Variants in ADAMTS2 observed in about 807,000 individuals in gnomAD.
ADAMTS2 encodes A disintegrin and metalloproteinase with thrombospondin motifs 2.
A neutral mutation model predicts 123.0 loss-of-function variants in ADAMTS2; 50 were observed. That is an observed-to-expected ratio of 0.41 (90% CI 0.32 to 0.51). ADAMTS2 has a LOEUF of 0.51. Among genes scored for constraint, ADAMTS2 ranks in the 20% least tolerant of loss-of-function variants. The pLI, the probability that ADAMTS2 is intolerant of heterozygous loss-of-function variation, is 0.35. For missense variants in ADAMTS2, 1,494 were observed against 1,705.2 expected, an observed-to-expected ratio of 0.88 and a Z score of 2.18; for synonymous variants, 678 against 695.4, an observed-to-expected ratio of 0.98 and a Z score of 0.39.
chr5:179,309,161 G>C (rs1756755402), intron 2 of ADAMTS2, among the ~76,000 whole-genome samples: 1 of 152,240 alleles, frequency 6.6e-6, no homozygotes, highest in Non-Finnish European at 1.5e-5. Context: ...GTGTTCCCCG[G>C]GTAGAGGCCA....
intron 2 of ADAMTS2, among the ~76,000 whole-genome samples, chr5:179,311,965 G>C (rs185509848): frequency 6.6e-5 from 10 of 152,350 alleles, no homozygotes; most frequent in Non-Finnish European, 7.3e-5. Context: ...AGGGAAGGTA[G>C]AAATGACAGC....
chr5:179,276,125 G>A (rs1766688627), intron 2 of ADAMTS2, among the ~76,000 whole-genome samples: 1 of 152,174 alleles, frequency 6.6e-6, no homozygotes, highest in African/African-American at 2.4e-5. Flanking sequence ...AACCAGGCCT[G>A]GCGAAGACTC....
At chr5:179,150,024 C>A (rs1225520093) in intron 10 of ADAMTS2, among the ~76,000 whole-genome samples, 3 of 152,178 alleles carry the variant, frequency 2.0e-5, no homozygotes, top group African/African-American at 7.2e-5. Flanking sequence ...CTGTCCTTAC[C>A]AGACCTCCCT....
Position 179,181,063 on chromosome 5 carries a change from T to A in ADAMTS2, c.975+9A>T. Reference sequence around the variant, plus strand: ...TGGAGGCAGGCCCGGCTGGCCACAGTGCACTCACCTTTCCATAGCTCAGGA... The same window carrying A: ...TGGAGGCAGGCCCGGCTGGCCACAGAGCACTCACCTTTCCATAGCTCAGGA... On this transcript the variant is annotated intron_variant, in intron 5 of 21. Coordinates refer to ENST00000251582, the MANE Select transcript of ADAMTS2 (RefSeq NM_014244.5). The surrounding 1 kb of genome is among the most constrained non-coding windows in gnomAD (Gnocchi z 4.1). The A allele has an allele frequency of 6.2e-7, 1 of 1,612,536 alleles. No homozygotes were observed.
chr5:179,319,479 TCA>T (rs1757097945), intron 2 of ADAMTS2, among the ~76,000 whole-genome samples: 1 of 151,982 alleles, frequency 6.6e-6, no homozygotes, highest in African/African-American at 2.4e-5. Flanking sequence ...ACTCATGCAC[TCA>T]CACATGCCTC....
At position 179,162,384 on chromosome 5, in the gene ADAMTS2, C is replaced by G. The variant is rs1198744551; in HGVS notation, c.976-3505G>C. 2.6e-5 allele frequency among the ~76,000 whole-genome samples: 4 copies of G among 152,098 alleles called. No individual in the cohort carries two copies. Among genetic ancestry groups the G allele is most frequent in the Non-Finnish European group, 5.9e-5 (4 of 67,996 alleles). ...GGTGGGGGGCCTGCAGCGGCTGGAG[C>G]CCCCCTGCACTACAGGAGACCCCCC... On this transcript the variant is annotated intron_variant, in intron 5 of 21. Coordinates refer to ENST00000251582, the MANE Select transcript of ADAMTS2 (RefSeq NM_014244.5). The surrounding 1 kb of genome is among the most constrained non-coding windows in gnomAD (Gnocchi z 5.1).
intron 5 of ADAMTS2, among the ~76,000 whole-genome samples, chr5:179,163,243 G>A (rs894065063): frequency 6.6e-6 from 1 of 152,182 alleles, no homozygotes; most frequent in African/African-American, 2.4e-5. Context: ...CTGGTTGCAC[G>A]AAAAGTAAGT....
chr5:179,279,001 G>A (rs1036239491), intron 2 of ADAMTS2, among the ~76,000 whole-genome samples: 2 of 151,792 alleles, frequency 1.3e-5, no homozygotes, highest in African/African-American at 4.8e-5. Flanking sequence ...AGACAGCCTG[G>A]AAGTTAGGGG....
At chr5:179,198,153 G>A (rs560055377) in intron 4 of ADAMTS2, among the ~76,000 whole-genome samples, 2 of 152,146 alleles carry the variant, frequency 1.3e-5, no homozygotes, top group African/African-American at 2.4e-5. Flanking sequence ...GGCGGGGGGC[G>A]GGCCTGGGCA....
At chr5:179,184,500 G>A (rs1474543197) in intron 4 of ADAMTS2, among the ~76,000 whole-genome samples, 2 of 125,492 alleles carry the variant, frequency 1.6e-5, no homozygotes, top group African/African-American at 3.3e-5. Flanking sequence ...GACAGAGCAA[G>A]ACTCTGTCTA....
rs528922887 is a variant in ADAMTS2 at position 179,186,839 on chromosome 5, C to T, written c.892-5684G>A. 6.1e-4 allele frequency among the ~76,000 whole-genome samples: 83 copies of T among 136,224 alleles called. 1 individual carries two copies. Among genetic ancestry groups the T allele is most frequent in the Non-Finnish European group, 1.1e-3 (68 of 62,698 alleles). 89.4% of individuals were successfully genotyped at this position (136,224 alleles called of 152,430 possible). The stretch of plus-strand genomic sequence containing the variant: ...CCAACGGTCCCCCTCGTGTCCTCCC[C>T]ACCCCCCCACCCACACACACCATTC... On this transcript the variant is annotated intron_variant, in intron 4 of 21. Coordinates refer to ENST00000251582, the MANE Select transcript of ADAMTS2 (RefSeq NM_014244.5).
chr5:179,207,706 A>G lies in ADAMTS2; in HGVS notation c.698T>C (p.Leu233Pro). The change falls in exon 4 of 22, where the codon CTG becomes CCG. Residue 233 changes from leucine to proline, a missense_variant. Physicochemically the swap from Leu to Pro is moderately conservative, Grantham distance 98. Around this residue, in one of 6 missense-constraint regions of ADAMTS2, gnomAD observed 184 missense variants for 152.1 expected, o/e 1.21. Transcript: ENST00000251582. ...GPQALDTGASLDSLDSLSRAL... is the reference protein window; with the variant it reads ...GPQALDTGASPDSLDSLSRAL... ...GCGGCTGAGGCTGTCCAGGCTGTCC[A>G]GGGAGGCCCCTGCAAGGAGAGGACA... 1 of 1,611,404 alleles carries G rather than the reference A, an allele frequency of 6.2e-7. No homozygotes were observed.
intron 2 of ADAMTS2, among the ~76,000 whole-genome samples, chr5:179,295,494 T>C (rs138120182): frequency 6.6e-6 from 1 of 152,346 alleles, no homozygotes; most frequent in East Asian, 1.9e-4. Context: ...TGATCCCTTA[T>C]GTGTCCCAGG....
In ADAMTS2 at chr5:179,219,763, T is replaced by C. The variant is rs530093328; in HGVS notation, c.689-12048A>G. On this transcript the variant is annotated intron_variant, in intron 3 of 21. Transcript: ENST00000251582. ...CTCACAGAGGTTCCCAAACACAACT[T>C]CCCCCTCTTCACCCCAGGGCTGGGG... is the stretch of plus-strand genomic sequence containing the variant. 9.2e-5 allele frequency among the ~76,000 whole-genome samples: 14 copies of C among 152,106 alleles called. No individual in the cohort carries two copies. The East Asian group carries it at 2.5e-3, about 27-fold the overall frequency.
rs1305784195 is a variant in ADAMTS2, at chr5:179,117,335, G to A, written c.3179-3011C>T. Reference sequence around the variant, plus strand: ...CTGGCTGCACACTGCCCCCTCTCCTGTTGCCCATAGTTTTTCCTTCACACA... The same window carrying A: ...CTGGCTGCACACTGCCCCCTCTCCTATTGCCCATAGTTTTTCCTTCACACA... On this transcript the variant is annotated intron_variant, in intron 21 of 21. Transcript: ENST00000251582. This position sits in a 1 kb window ranked among gnomAD's most constrained non-coding sequence, Gnocchi z 4.2. Among the ~76,000 whole-genome samples the A allele has an allele frequency of 6.6e-6, 1 of 152,144 alleles. No homozygotes were observed. The highest frequency in any genetic ancestry group is 2.4e-5 in the African/African-American group (1 of 41,422).
At position 179,129,331 on chromosome 5, in the gene ADAMTS2, C is replaced by T. The variant is rs1296139646; in HGVS notation, c.2457+601G>A. 6.6e-6 allele frequency among the ~76,000 whole-genome samples: 1 copy of T among 152,156 alleles called. No homozygotes were observed. Among genetic ancestry groups the T allele is most frequent in the African/African-American group, 2.4e-5 (1 of 41,430 alleles). On this transcript the variant is annotated intron_variant, in intron 16 of 21. Coordinates refer to ENST00000251582, the MANE Select transcript of ADAMTS2 (RefSeq NM_014244.5). The surrounding 1 kb of genome is among the most constrained non-coding windows in gnomAD (Gnocchi z 4.1). ...TGGATTAATCCCAATGCCAGCATGC[C>T]CACCTTAGGGAGGGGCTCCAGAGCA...
rs1476075057 is a variant in ADAMTS2 at position 179,181,151 on chromosome 5, T to C, written c.896A>G (p.Asn299Ser). The change falls in exon 5 of 22, where the codon AAT becomes AGT. Residue 299 changes from asparagine (N) to serine (S), a missense_variant. Transcript: ENST00000251582. The surrounding 1 kb of genome is among the most constrained non-coding windows in gnomAD (Gnocchi z 4.1). ...KYLLTLMNIV[N>S]EIYHDESLGA... ...CAAGGACTCGTCATGGTAGATTTCA[T>C]TGACCTGAAAGAAACAGGGAGGCAT... is the stretch of plus-strand genomic sequence containing the variant. 8 of 1,613,358 alleles carry C rather than the reference T, an allele frequency of 5.0e-6. No individual in the cohort carries two copies. The Admixed American group carries it at 8.3e-5, about 17-fold the overall frequency.
chr5:179,196,309 C>G (rs1764430818), intron 4 of ADAMTS2, among the ~76,000 whole-genome samples: 2 of 152,112 alleles, frequency 1.3e-5, no homozygotes, highest in Non-Finnish European at 2.9e-5. Context: ...TGGGAGGGGT[C>G]AAAGGTTATA....
intron 3 of ADAMTS2, among the ~76,000 whole-genome samples, chr5:179,223,564 G>A (rs440339): frequency 4.6e-5 from 2 of 43,920 alleles, no homozygotes; most frequent in African/African-American, 1.3e-4. Context: ...TCACACACAC[G>A]CGAATGCACT....
Sources: allele counts gnomAD v4.1 joint callset (sites outside exome capture counted in the v4.1 genomes callset), GRCh38; gene constraint gnomAD v4.1.1; regional missense constraint gnomAD v4.1.1; non-coding constraint Gnocchi (gnomAD v3.1); transcripts MANE v1.5; gene names NCBI Gene and HGNC (gene_info 2026-07-23, HGNC 2026-07-21).